The following TOX2 variants were observed in gnomAD, a reference collection of about 807,000 sequenced individuals.
TOX2 encodes TOX high mobility group box family member 2, also known as granulosa cell HMG box 1.
In TOX2, 15 loss-of-function variants were observed where a neutral mutation model predicts 47.4. The observed-to-expected ratio is 0.32, with a 90% CI of 0.21 to 0.49. TOX2 has a LOEUF of 0.49. TOX2 is among the 20% of genes least tolerant of loss of function. The probability of loss-of-function intolerance (pLI) is 0.99; values close to 1 mark genes in which losing one functional copy is unlikely to be tolerated. For missense variants in TOX2, 622 were observed against 673.1 expected (o/e 0.92, Z 0.84); for synonymous variants, 290 against 296.6 (o/e 0.98, Z 0.23).
intron 3 of TOX2, among the ~76,000 whole-genome samples, chr20:44,027,267 T>G (rs1481232190): frequency 2.0e-5 from 3 of 148,776 alleles, no homozygotes; most frequent in African/African-American, 7.4e-5. Flanking sequence ...TTAGCACATG[T>G]GCCAATTCAG....
chr20:44,008,807 A>C (rs1457172700), intron 3 of TOX2, among the ~76,000 whole-genome samples: 1 of 152,236 alleles, frequency 6.6e-6, no homozygotes, highest in Non-Finnish European at 1.5e-5. Context: ...ACAAAAGAGT[A>C]TGAAATATCC....
intron 1 of TOX2, among the ~76,000 whole-genome samples, chr20:43,972,031 T>C (rs376213366): frequency 3.3e-5 from 5 of 152,156 alleles, no homozygotes; most frequent in African/African-American, 9.7e-5. Context: ...ATGGTTCAAT[T>C]AAAATAAAAT....
At chr20:43,944,170 C>A (rs2069436253) in intron 1 of TOX2, among the ~76,000 whole-genome samples, 2 of 152,220 alleles carry the variant, frequency 1.3e-5, no homozygotes, top group Non-Finnish European at 2.9e-5. Context: ...CACTTTCTAT[C>A]TGGTGAGCAC....
At chr20:44,067,494 G>A (rs1569156051) in intron 8 of TOX2, among the ~76,000 whole-genome samples, 2 of 152,150 alleles carry the variant, frequency 1.3e-5, no homozygotes, top group Non-Finnish European at 2.9e-5. Context: ...AAGAATGCAG[G>A]ACAGGGGACC....
At chr20:43,930,038 A>G (rs927715616) in intron 1 of TOX2, among the ~76,000 whole-genome samples, 5 of 152,196 alleles carry the variant, frequency 3.3e-5, no homozygotes, top group Non-Finnish European at 7.3e-5. Flanking sequence ...GTGGCATCAT[A>G]TATCTGTGAA....
intron 1 of TOX2, among the ~76,000 whole-genome samples, chr20:43,943,947 G>A (rs1461713669): frequency 1.3e-5 from 2 of 152,118 alleles, no homozygotes; most frequent in Non-Finnish European, 1.5e-5. Flanking sequence ...TTGTCCACAC[G>A]AATTTGAGCC....
intron 5 of TOX2, among the ~76,000 whole-genome samples, chr20:44,063,019 C>A (rs2071747460): frequency 6.6e-6 from 1 of 152,188 alleles, no homozygotes; most frequent in South Asian, 2.1e-4. Flanking sequence ...AAATCTAAGA[C>A]CTGAAACCCT....
chr20:44,006,404 C>T (rs1039456276), intron 2 of TOX2, 143 bp from the exon 3 acceptor site: 7 of 1,331,828 alleles, frequency 5.3e-6, no homozygotes, highest in Middle Eastern at 1.9e-4. Context: ...CGTCTTGACC[C>T]TCTGCCTTGC....
chr20:44,057,471 G>GA (rs2071641366), intron 5 of TOX2, among the ~76,000 whole-genome samples: 1 of 151,734 alleles, frequency 6.6e-6, no homozygotes, highest in South Asian at 2.1e-4. Context: ...ATAACCAAGA[G>GA]AGGTAGTGAG....
intron 1 of TOX2, among the ~76,000 whole-genome samples, chr20:43,924,323 G>T (rs2069142004): frequency 6.6e-6 from 1 of 152,144 alleles, no homozygotes; most frequent in Non-Finnish European, 1.5e-5. Context: ...GTTACTTTTT[G>T]GGTCCAAGGG....
At chr20:44,041,738 C>T (rs889274995) in intron 3 of TOX2, among the ~76,000 whole-genome samples, 10 of 152,178 alleles carry the variant, frequency 6.6e-5, no homozygotes, top group Admixed American at 2.6e-4. Context: ...CTTCCTGAAT[C>T]GCATCCAGTT....
At chr20:44,051,726 A>G (rs2145753858) in intron 4 of TOX2, among the ~76,000 whole-genome samples, 181 bp downstream of exon 4, 1 of 152,354 alleles carries the variant, frequency 6.6e-6, no homozygotes, top group African/African-American at 2.4e-5. Context: ...TGTCCGCCAC[A>G]GAGCTCAGTG....
chr20:43,920,176 G>A (rs6073253), intron 1 of TOX2, among the ~76,000 whole-genome samples: 39,681 of 152,158 alleles, frequency 0.26, 5,562 homozygotes, highest in East Asian at 0.46. Flanking sequence ...ACCTGGCATC[G>A]TGCCTGACTC....
chr20:43,951,707 G>GTTTGTTTTTTTTTTTTTTTTTTTTTT (rs2069571364), intron 1 of TOX2, among the ~76,000 whole-genome samples: 4 of 55,094 alleles, frequency 7.3e-5, no homozygotes, highest in Non-Finnish European at 1.2e-4. Flanking sequence ...AACTTATTAT[G>GTTTGTTTTTTTTTTTTTTTTTTTTTT]TTTTTTTTTT....
intron 2 of TOX2, among the ~76,000 whole-genome samples, chr20:43,984,761 T>A (rs1020354883): frequency 5.9e-5 from 9 of 152,190 alleles, no homozygotes; most frequent in Admixed American, 4.6e-4. Context: ...ATGAGAGAAA[T>A]TGAATCCCAG....
At chr20:44,046,177 G>A (rs2071406282) in intron 3 of TOX2, among the ~76,000 whole-genome samples, 1 of 152,176 alleles carries the variant, frequency 6.6e-6, no homozygotes, top group South Asian at 2.1e-4. Context: ...AAAACTTAGA[G>A]TGATAATGAT....
intron 1 of TOX2, among the ~76,000 whole-genome samples, chr20:43,969,805 T>G (rs1388656920): frequency 6.6e-6 from 1 of 152,220 alleles, no homozygotes; most frequent in African/African-American, 2.4e-5. Context: ...CAAGTGCCCC[T>G]TGAAAGCCAG....
chr20:43,948,584 C>T (rs1413086838), intron 1 of TOX2, among the ~76,000 whole-genome samples: 1 of 152,072 alleles, frequency 6.6e-6, no homozygotes, highest in Non-Finnish European at 1.5e-5. Flanking sequence ...AGCTGGGGGT[C>T]TGCTGGGGCA....
chr20:43,963,985 G>A (rs117373790), intron 1 of TOX2, among the ~76,000 whole-genome samples: 23 of 152,040 alleles, frequency 1.5e-4, no homozygotes, highest in Non-Finnish European at 2.8e-4. Flanking sequence ...CAATGATTGA[G>A]TGCCTTCTCT....
Sources: gnomAD v4.1 joint callset for allele counts (sites outside exome capture counted in the v4.1 genomes callset) on GRCh38, gnomAD v4.1.1 for gene constraint, MANE v1.5 for transcripts, NCBI Gene and HGNC (gene_info 2026-07-23, HGNC 2026-07-21) for gene names.